The following RBM28 variants were observed in gnomAD, a reference collection of about 807,000 sequenced individuals.
The protein encoded by RBM28 is RNA-binding protein 28.
Under a neutral mutation model 98.3 loss-of-function variants are expected in RBM28, and 78 were observed. That is an observed-to-expected ratio of 0.79 (90% CI 0.66 to 0.96). The LOEUF (loss-of-function observed/expected upper bound fraction) is 0.96. Among genes scored for constraint, RBM28 ranks in the 40% least tolerant of loss-of-function variants. The probability of loss-of-function intolerance (pLI) is 0.00; values close to 1 mark genes in which losing one functional copy is unlikely to be tolerated. For synonymous variants in RBM28, 306 were observed against 330.9 expected (o/e 0.92, Z 0.82); for missense variants, 838 against 913.0 (o/e 0.92, Z 1.06).
rs1327874928 is a variant in RBM28, at chr7:128,321,381, A to C, written c.1448T>G (p.Phe483Cys). ...CAGGCAGAGCCTGGTTCGGGAGACA[A>C]AGATATTCTGGTCCTTGAGTTTCTG... is the stretch of plus-strand genomic sequence containing the variant. ...KHQKLKDQNIFVSRTRLCLHN... is the reference protein window; with the variant it reads ...KHQKLKDQNICVSRTRLCLHN... The change falls in exon 14 of 19, where the codon TTT becomes TGT. Residue 483 changes from phenylalanine (F) to cysteine (C), a missense_variant. Transcript: ENST00000223073. The C allele has an allele frequency of 6.2e-7, 1 of 1,614,224 alleles. No homozygotes were observed. The highest frequency in any genetic ancestry group is 1.1e-5 in the South Asian group (1 of 91,082).
chr7:128,336,435 A>G (rs577558584), intron 6 of RBM28, among the ~76,000 whole-genome samples: 1 of 152,336 alleles, frequency 6.6e-6, no homozygotes, highest in East Asian at 1.9e-4. Flanking sequence ...GTGGCTTACC[A>G]GCCAATTGTT....
Position 128,330,895 on chromosome 7 carries a change from A to G in RBM28, c.1053T>C (p.Leu351=). ...NLSFDSEEEE[L]GELLQQFGEL... Reference sequence around the variant, plus strand: ...CTCCAAACTGTTGGAGAAGCTCCCCAAGTTCTTCTTCTTCTGAGTCAAAGG... The same window carrying G: ...CTCCAAACTGTTGGAGAAGCTCCCCGAGTTCTTCTTCTTCTGAGTCAAAGG... The change falls in exon 10 of 19, where the codon CTT becomes CTC. Residue 351 remains leucine, a synonymous_variant. Transcript: ENST00000223073. The G allele has an allele frequency of 1.9e-6, 3 of 1,614,036 alleles. No individual in the cohort carries two copies. Among genetic ancestry groups the G allele is most frequent in the Non-Finnish European group, 2.5e-6 (3 of 1,179,902 alleles).
At chr7:128,330,703 G>A in intron 10 of RBM28, 116 bp downstream of exon 10, 2 of 806,188 alleles carry the variant, frequency 2.5e-6, no homozygotes, top group Non-Finnish European at 2.2e-6. Flanking sequence ...CCAGAAACCT[G>A]GGCTGGATGG....
chr7:128,341,074 T>C (rs1796712995), intron 1 of RBM28: 2 of 1,093,790 alleles, frequency 1.8e-6, no homozygotes, highest in African/African-American at 1.7e-5. Context: ...AAATAATTTA[T>C]TGCATCAAAA....
rs1796301727 is a variant in RBM28, at chr7:128,324,451, C to G, written c.1339+108G>C. 2.7e-6 allele frequency: 4 copies of G among 1,474,758 alleles called. No individual in the cohort carries two copies. In the African/African-American group the frequency reaches 4.2e-5, roughly 15 times the overall value. 91.4% of individuals were successfully genotyped at this position (1,474,758 alleles called of 1,614,324 possible). On this transcript the variant is annotated intron_variant, in intron 12 of 18. Coordinates refer to ENST00000223073, the MANE Select transcript of RBM28 (RefSeq NM_018077.3). ...GATCATATAACACTGTTAAAGAGAA[C>G]ATTTGGGTTTTTAATTTGAAACATG... is the stretch of plus-strand genomic sequence containing the variant.
At chr7:128,339,138 T>C in intron 3 of RBM28, 89 bp downstream of exon 3, 2 of 1,186,130 alleles carry the variant, frequency 1.7e-6, no homozygotes, top group Non-Finnish European at 2.5e-6. Flanking sequence ...AGCCCAATTA[T>C]ACCATCTTGG....
chr7:128,339,057 C>T (rs1156619601), intron 3 of RBM28, among the ~76,000 whole-genome samples, 170 bp downstream of exon 3: 3 of 152,220 alleles, frequency 2.0e-5, no homozygotes, highest in African/African-American at 4.8e-5. Context: ...CAGCTTCACA[C>T]TTAGTGCCCT....
chr7:128,343,846 C>G lies in RBM28; in HGVS notation c.-53G>C. 2 of 1,338,158 alleles carry G rather than the reference C, an allele frequency of 1.5e-6. No homozygotes were observed. Among genetic ancestry groups the G allele is most frequent in the Middle Eastern group, 2.2e-4 (1 of 4,470 alleles). 82.9% of individuals were successfully genotyped at this position (1,338,158 alleles called of 1,614,324 possible). A position where few individuals can be genotyped will look rare whatever the true frequency, so the allele number is the denominator to read the frequency against. On this transcript the variant is annotated 5_prime_UTR_variant, in exon 1 of 19. Transcript: ENST00000223073. ...GACGCGAGCAAACTAGGCCGGCGCA[C>G]GCGAGCCGAAACGCTGGCTTTGGTA...
chr7:128,310,942 A>C lies in RBM28; in HGVS notation c.2146-11T>G. 2 of 1,609,244 alleles carry C rather than the reference A, an allele frequency of 1.2e-6. No homozygotes were observed. The highest frequency in any genetic ancestry group is 1.7e-6 in the Non-Finnish European group (2 of 1,175,522). On this transcript the variant is annotated splice_polypyrimidine_tract_variant and intron_variant, in intron 18 of 18. Coordinates refer to ENST00000223073, the MANE Select transcript of RBM28 (RefSeq NM_018077.3). ...TTTTTTCCTAGATACCTACAAATGA[A>C]AGGATTAGAAACATAATATAATCAA...
chr7:128,325,970 C>A (rs1236036677), intron 10 of RBM28, 79 bp from the exon 11 acceptor site: 2 of 1,150,682 alleles, frequency 1.7e-6, no homozygotes, highest in African/African-American at 3.0e-5. Flanking sequence ...TGGCAACAGC[C>A]TGACACAGAG....
rs1584670052 is a variant in RBM28 at position 128,343,888 on chromosome 7, A to G, written c.-95T>C. 3 of 798,340 alleles carry G rather than the reference A, an allele frequency of 3.8e-6. No individual in the cohort carries two copies. In the South Asian group the frequency reaches 5.7e-5, roughly 15 times the overall value. The allele number at this position is 798,340 out of a possible 1,614,324, so 49.5% of individuals were successfully genotyped here. A position where few individuals can be genotyped will look rare whatever the true frequency, so the allele number is the denominator to read the frequency against. Reference sequence around the variant, plus strand: ...GCTTTGGTAGGACAACCAAGCTCACACGCCGAGAGATTCCGGAAGTGCTCG... The same window carrying G: ...GCTTTGGTAGGACAACCAAGCTCACGCGCCGAGAGATTCCGGAAGTGCTCG... On this transcript the variant is annotated 5_prime_UTR_variant, in exon 1 of 19. Coordinates refer to ENST00000223073, the MANE Select transcript of RBM28 (RefSeq NM_018077.3).
rs748976770 is a variant in RBM28 at position 128,324,576 on chromosome 7, T to A, written c.1322A>T (p.Tyr441Phe). Residue 441 changes from tyrosine (Y) to phenylalanine (F), a missense_variant, in exon 12 of 19, where the codon TAT becomes TTT. By Grantham distance (22) the Tyr-to-Phe change is conservative. Coordinates refer to ENST00000223073, the MANE Select transcript of RBM28 (RefSeq NM_018077.3). Reference sequence around the variant, plus strand: ...CTACTCACAGCCTTCTCGGGCCAGATAGAGATTCCGGGTGCCAGTCGGCTT... The same window carrying A: ...CTACTCACAGCCTTCTCGGGCCAGAAAGAGATTCCGGGTGCCAGTCGGCTT... ...VKKPTGTRNL[Y>F]LAREGLIRAG... is the part of the protein sequence containing the mutation. 1.9e-5 allele frequency: 30 copies of A among 1,614,080 alleles called. No individual in the cohort carries two copies. Among genetic ancestry groups the A allele is most frequent in the Non-Finnish European group, 2.5e-5 (30 of 1,180,042 alleles).
intron 17 of RBM28, among the ~76,000 whole-genome samples, 167 bp from the exon 18 acceptor site, chr7:128,313,441 C>T (rs149960765): frequency 3.0e-4 from 46 of 152,260 alleles, no homozygotes; most frequent in South Asian, 1.0e-3. Context: ...CTTAGGACTG[C>T]TTGATGCCAG....
chr7:128,331,391 GC>G (rs1796478067), intron 9 of RBM28, among the ~76,000 whole-genome samples: 1 of 150,652 alleles, frequency 6.6e-6, no homozygotes, highest in South Asian at 2.1e-4. Context: ...ATCACCTAGG[GC>G]CCCAGAACTG....
At position 128,307,664 on chromosome 7, in the gene RBM28, T is replaced by C. The variant is rs1795891945; in HGVS notation, c.*3133A>G. 1 of 151,942 alleles carries C rather than the reference T, an allele frequency of 6.6e-6. No individual in the cohort carries two copies. The highest frequency in any genetic ancestry group is 2.4e-5 in the African/African-American group (1 of 41,330). 9.4% of individuals were successfully genotyped at this position (151,942 alleles called of 1,614,324 possible). On this transcript the variant is annotated 3_prime_UTR_variant, in exon 19 of 19. Coordinates refer to ENST00000223073, the MANE Select transcript of RBM28 (RefSeq NM_018077.3). ...ACAAACTAACCAACAAACAAACAAA[T>C]AAGGCAAAGAACAGCTGCACATCAT...
At chr7:128,332,220 C>T (rs1796494943) in intron 9 of RBM28, among the ~76,000 whole-genome samples, 1 of 152,194 alleles carries the variant, frequency 6.6e-6, no homozygotes, top group Non-Finnish European at 1.5e-5. Flanking sequence ...TGTATAAATT[C>T]ATCTCTGTGA....
chr7:128,313,045 C>A, intron 18 of RBM28, 130 bp downstream of exon 18: 1 of 910,104 alleles, frequency 1.1e-6, no homozygotes, highest in South Asian at 1.4e-5. Context: ...GCTCAACATT[C>A]TCTAAAAAGC....
chr7:128,330,995 C>A, intron 9 of RBM28, 67 bp from the exon 10 acceptor site: 1 of 1,067,014 alleles, frequency 9.4e-7, no homozygotes, highest in Non-Finnish European at 1.5e-6. Context: ...TGTTCCAGGA[C>A]AATGTAAGTG....
At chr7:128,312,480 G>T (rs1362216199) in intron 18 of RBM28, among the ~76,000 whole-genome samples, 2 of 152,156 alleles carry the variant, frequency 1.3e-5, no homozygotes. Flanking sequence ...CAATATGGGG[G>T]TGTCACAGAG....
Sources: allele counts gnomAD v4.1 joint callset (sites outside exome capture counted in the v4.1 genomes callset), GRCh38; gene constraint gnomAD v4.1.1; transcripts MANE v1.5; gene names NCBI Gene and HGNC (gene_info 2026-07-23, HGNC 2026-07-21).